The following USP31 variants were observed in gnomAD, a reference collection of about 807,000 sequenced individuals.
USP31 encodes the protein ubiquitin carboxyl-terminal hydrolase 31.
Under a neutral mutation model 119.4 loss-of-function variants are expected in USP31, and 44 were observed. The observed-to-expected ratio is 0.37, with a 90% CI of 0.29 to 0.47. USP31 has a LOEUF of 0.47. USP31 is among the 20% of genes least tolerant of loss of function. The probability of loss-of-function intolerance (pLI) is 0.99; values close to 1 mark genes in which losing one functional copy is unlikely to be tolerated. For synonymous variants in USP31, 749 were observed against 705.6 expected (o/e 1.06, Z -0.97); for missense variants, 1,643 against 1,730.2 (o/e 0.95, Z 0.89).
chr16:23,099,770 CA>C (rs1901768007), intron 6 of USP31, among the ~76,000 whole-genome samples: 1 of 152,134 alleles, frequency 6.6e-6, no homozygotes, highest in Non-Finnish European at 1.5e-5. Context: ...AAAATATTTG[CA>C]AATCATATAT....
chr16:23,084,096 T>C (rs979703651), intron 11 of USP31, among the ~76,000 whole-genome samples: 1 of 152,256 alleles, frequency 6.6e-6, no homozygotes, highest in African/African-American at 2.4e-5. Flanking sequence ...TAAAGTCCCC[T>C]TCAATCCTGA....
At chr16:23,073,571 C>T (rs2285393) in intron 14 of USP31, 151 bp downstream of exon 14, 295,615 of 1,004,208 alleles carry the variant, frequency 0.29, 45,442 homozygotes, top group Admixed American at 0.38. Flanking sequence ...TCCTTGACTG[C>T]AGTCATTTTA....
intron 1 of USP31, among the ~76,000 whole-genome samples, chr16:23,112,355 G>A (rs529003661): frequency 2.8e-4 from 43 of 152,080 alleles, no homozygotes; most frequent in Non-Finnish European, 5.4e-4. Context: ...GAGACAGGTG[G>A]ATCACGTGAG....
chr16:23,126,756 A>T (rs1902871846), intron 1 of USP31, among the ~76,000 whole-genome samples: 1 of 152,244 alleles, frequency 6.6e-6, no homozygotes, highest in Admixed American at 6.5e-5. Context: ...AGGAGCAAAT[A>T]AAATAATCCA....
intron 1 of USP31, among the ~76,000 whole-genome samples, chr16:23,146,775 C>A (rs1304561186): frequency 1.3e-5 from 2 of 152,028 alleles, no homozygotes; most frequent in Admixed American, 6.6e-5. Flanking sequence ...AGCTAGATGA[C>A]CTTTTCATAT....
chr16:23,116,921 T>C (rs1286506844), intron 1 of USP31, among the ~76,000 whole-genome samples: 1 of 152,222 alleles, frequency 6.6e-6, no homozygotes, highest in African/African-American at 2.4e-5. Flanking sequence ...GAAAAGCATG[T>C]TATTCCTGGT....
At chr16:23,092,205 G>A (rs1239267903) in intron 6 of USP31, among the ~76,000 whole-genome samples, 7 of 152,158 alleles carry the variant, frequency 4.6e-5, no homozygotes, top group African/African-American at 1.7e-4. Flanking sequence ...TTAGGATAGA[G>A]GCTAACGCAG....
intron 1 of USP31, among the ~76,000 whole-genome samples, chr16:23,116,020 C>A (rs1234184307): frequency 6.6e-6 from 1 of 152,122 alleles, no homozygotes; most frequent in Non-Finnish European, 1.5e-5. Context: ...AATGGTCGGT[C>A]ACTGGTGATT....
At chr16:23,101,985 A>C (rs928830311) in intron 6 of USP31, among the ~76,000 whole-genome samples, 4 of 150,994 alleles carry the variant, frequency 2.6e-5, no homozygotes, top group African/African-American at 9.7e-5. Flanking sequence ...AAAAAAAAAA[A>C]AAAAAAAAAA....
intron 1 of USP31, among the ~76,000 whole-genome samples, chr16:23,147,697 C>T (rs1036101105): frequency 6.6e-6 from 1 of 152,152 alleles, no homozygotes; most frequent in African/African-American, 2.4e-5. Context: ...GAGGCCAAAG[C>T]GGGGAGAGTG....
intron 1 of USP31, among the ~76,000 whole-genome samples, chr16:23,114,250 A>C (rs1005120374): frequency 1.3e-5 from 2 of 152,100 alleles, no homozygotes; most frequent in African/African-American, 4.8e-5. Flanking sequence ...CAGATAAGCC[A>C]GAGACAGGAA....
chr16:23,108,008 T>C (rs1902178188), intron 2 of USP31, 38 bp downstream of exon 2: 7 of 1,581,434 alleles, frequency 4.4e-6, no homozygotes, highest in Non-Finnish European at 6.0e-6. Flanking sequence ...CACACTCTCA[T>C]GGCTGGCTGA....
intron 1 of USP31, among the ~76,000 whole-genome samples, chr16:23,124,347 G>T (rs568383363): frequency 6.6e-6 from 1 of 152,166 alleles, no homozygotes; most frequent in South Asian, 2.1e-4. Context: ...GGTTAAAATT[G>T]TAAGGATCTG....
intron 1 of USP31, among the ~76,000 whole-genome samples, chr16:23,140,419 C>T (rs1461252399): frequency 6.6e-6 from 1 of 152,092 alleles, no homozygotes; most frequent in Non-Finnish European, 1.5e-5. Flanking sequence ...GCCAGGACAG[C>T]CCCCAACAAC....
Position 23,110,956 on chromosome 16 carries a change from G to A in USP31, c.634-2773C>T, listed in dbSNP as rs11648719. 5.0e-3 allele frequency among the ~76,000 whole-genome samples: 754 copies of A among 151,704 alleles called. 6 individuals carry two copies. The highest frequency in any genetic ancestry group is 7.1e-3 in the Non-Finnish European group (481 of 67,894). ...ATCCTAGTTAACATGGTGAAACCCCGTCTCTACTAAAAATACAAAAAATTA... is the reference window on the plus strand; with the variant it reads ...ATCCTAGTTAACATGGTGAAACCCCATCTCTACTAAAAATACAAAAAATTA... On this transcript the variant is annotated intron_variant, in intron 1 of 15. Coordinates refer to ENST00000219689, the MANE Select transcript of USP31 (RefSeq NM_020718.4).
intron 6 of USP31, among the ~76,000 whole-genome samples, chr16:23,098,166 C>T (rs538386336): frequency 2.7e-5 from 4 of 150,488 alleles, no homozygotes; most frequent in South Asian, 2.1e-4. Flanking sequence ...ACAAGCATTC[C>T]TATACACCAA....
chr16:23,074,840 G>GT (rs1333228734), intron 13 of USP31, among the ~76,000 whole-genome samples: 1 of 152,224 alleles, frequency 6.6e-6, no homozygotes, highest in African/African-American at 2.4e-5. Flanking sequence ...ATCAAAGGGT[G>GT]TTATAAGCTT....
rs1443749246 is a variant in USP31, at chr16:23,064,219, T to C, written c.*3827A>G. ...AAATCTTTGTATCCAATAATTATAA[T>C]AACCTACATTGGAAACAATCACTTC... On this transcript the variant is annotated 3_prime_UTR_variant, in exon 16 of 16. Coordinates refer to ENST00000219689, the MANE Select transcript of USP31 (RefSeq NM_020718.4). 3 of 152,656 alleles carry C rather than the reference T, an allele frequency of 2.0e-5. No individual in the cohort carries two copies. The highest frequency in any genetic ancestry group is 2.9e-5 in the Non-Finnish European group (2 of 68,038). The allele number at this position is 152,656 out of a possible 1,614,324, so 9.5% of individuals were successfully genotyped here.
intron 11 of USP31, 84 bp downstream of exon 11, chr16:23,084,776 C>T (rs766535417): frequency 1.2e-5 from 19 of 1,562,282 alleles, no homozygotes; most frequent in East Asian, 6.8e-5. Context: ...ACTTCTGGGG[C>T]GTGATTTGTT....
Sources: allele counts gnomAD v4.1 joint callset (sites outside exome capture counted in the v4.1 genomes callset), GRCh38; gene constraint gnomAD v4.1.1; transcripts MANE v1.5; gene names NCBI Gene and HGNC (gene_info 2026-07-23, HGNC 2026-07-21).